The following OSBPL1A variants were observed in gnomAD, a reference collection of about 807,000 sequenced individuals.
OSBPL1A encodes the protein oxysterol binding protein like 1A.
In OSBPL1A, 80 loss-of-function variants were observed where a neutral mutation model predicts 137.1. The ratio of observed to expected loss-of-function variants is 0.58; its 90% CI spans 0.49 to 0.70. OSBPL1A has a LOEUF of 0.70. OSBPL1A is among the 30% of genes least tolerant of loss of function. The pLI is 0.00. For missense variants in OSBPL1A, 970 were observed against 1,129.4 expected (o/e 0.86, Z 2.02); for synonymous variants, 365 against 389.7 (o/e 0.94, Z 0.75).
intron 6 of OSBPL1A, 109 bp from the exon 7 acceptor site, chr18:24,333,195 G>T: frequency 8.2e-7 from 1 of 1,225,610 alleles, no homozygotes; most frequent in Non-Finnish European, 1.1e-6. Flanking sequence ...CAAGCTCCTT[G>T]GCATCCAGGC....
In OSBPL1A at chr18:24,162,320, T is replaced by C. The variant is rs1357656399; in HGVS notation, c.*859A>G. 6.6e-6 allele frequency: 1 copy of C among 152,212 alleles called. No homozygotes were observed. The highest frequency in any genetic ancestry group is 2.4e-5 in the African/African-American group (1 of 41,438). 9.4% of individuals were successfully genotyped at this position (152,212 alleles called of 1,614,324 possible). A position where few individuals can be genotyped will look rare whatever the true frequency, so the allele number is the denominator to read the frequency against. ...TTGAAATGCACAAGGCCTCCTTTTA[T>C]ATAGTTTGATACTTACATGAGTGCA... On this transcript the variant is annotated 3_prime_UTR_variant, in exon 28 of 28. Coordinates refer to ENST00000319481, the MANE Select transcript of OSBPL1A (RefSeq NM_080597.4).
intron 14 of OSBPL1A, among the ~76,000 whole-genome samples, chr18:24,294,206 T>C (rs1021534124): frequency 6.6e-6 from 1 of 150,448 alleles, no homozygotes; most frequent in Non-Finnish European, 1.5e-5. Flanking sequence ...GTACACTACA[T>C]CCAATATGTG....
chr18:24,265,005 C>T (rs538688190), intron 15 of OSBPL1A, among the ~76,000 whole-genome samples: 20 of 152,278 alleles, frequency 1.3e-4, no homozygotes, highest in African/African-American at 4.3e-4. Flanking sequence ...TTACTTTCAT[C>T]GGTCTTATAT....
At chr18:24,175,189 G>T (rs536596110) in intron 21 of OSBPL1A, among the ~76,000 whole-genome samples, 18 of 127,100 alleles carry the variant, frequency 1.4e-4, no homozygotes, top group East Asian at 4.5e-4. Context: ...GTTCTTTTTT[G>T]TTGTTGTTGT....
rs916672263 is a variant in OSBPL1A, at chr18:24,165,104, C to G, written c.2711G>C (p.Arg904Pro). 1 of 1,614,080 alleles carries G rather than the reference C, an allele frequency of 6.2e-7. No individual in the cohort carries two copies. The highest frequency in any genetic ancestry group is 1.7e-5 in the Admixed American group (1 of 60,018). Residue 904 changes from arginine to proline, a missense_variant, in exon 27 of 28, where the codon CGC becomes CCC. By Grantham distance (103) the Arg-to-Pro change is moderately radical. Transcript: ENST00000319481. Reference protein sequence around the residue: ...KRLEEKQRAARKNRSKSEEDW... With the variant: ...KRLEEKQRAAPKNRSKSEEDW... The stretch of plus-strand genomic sequence containing the variant: ...CTCTTCTGACTTGGACCTGTTTTTG[C>G]GGGCTGCTCTTTGTTTTTCCTCAAG...
At chr18:24,332,843 T>C (rs746301153) in intron 7 of OSBPL1A, 99 bp downstream of exon 7, 30 of 1,409,608 alleles carry the variant, frequency 2.1e-5, no homozygotes, top group Non-Finnish European at 2.8e-5. Flanking sequence ...CCATACAGTT[T>C]AACAAAGGCT....
At chr18:24,392,480 G>A (rs371292927) in intron 1 of OSBPL1A, among the ~76,000 whole-genome samples, 1 of 152,074 alleles carries the variant, frequency 6.6e-6, no homozygotes, top group Non-Finnish European at 1.5e-5. Flanking sequence ...TAAAGACAAA[G>A]GGAGACTATT....
intron 18 of OSBPL1A, among the ~76,000 whole-genome samples, chr18:24,195,529 G>A (rs900069345): frequency 1.3e-5 from 2 of 152,020 alleles, no homozygotes; most frequent in Admixed American, 6.6e-5. Context: ...TTACATGTTC[G>A]GTGGTCCAAG....
Position 24,322,076 on chromosome 18 carries a change from A to G in OSBPL1A, c.626-3267T>C, listed in dbSNP as rs148808346. Among the ~76,000 whole-genome samples, 64 of 149,354 alleles carry G rather than the reference A, an allele frequency of 4.3e-4. No individual in the cohort carries two copies. The East Asian group carries it at 0.012, about 28-fold the overall frequency. On this transcript the variant is annotated intron_variant, in intron 7 of 27. Coordinates refer to ENST00000319481, the MANE Select transcript of OSBPL1A (RefSeq NM_080597.4). ...CTAGAAAGTCAGTAGTAAAATGGAG[A>G]TCATTTTTAACATAGAGAGAAATAT...
At chr18:24,355,696 T>G (rs1448535825) in intron 4 of OSBPL1A, among the ~76,000 whole-genome samples, 1 of 151,884 alleles carries the variant, frequency 6.6e-6, no homozygotes, top group Non-Finnish European at 1.5e-5. Context: ...TTAAAAGTCA[T>G]GATACCGGCT....
chr18:24,219,821 C>T (rs2087828122), intron 17 of OSBPL1A, among the ~76,000 whole-genome samples: 1 of 152,196 alleles, frequency 6.6e-6, no homozygotes, highest in African/African-American at 2.4e-5. Flanking sequence ...AGCTGGGCAA[C>T]TCAACTTGGG....
At chr18:24,340,980 TA>T (rs1203628218) in intron 5 of OSBPL1A, among the ~76,000 whole-genome samples, 43 of 152,274 alleles carry the variant, frequency 2.8e-4, no homozygotes, top group African/African-American at 9.4e-4. Context: ...GAAAAACAGA[TA>T]TTTTTTCTGA....
At chr18:24,348,794 G>A (rs2091389547) in intron 4 of OSBPL1A, among the ~76,000 whole-genome samples, 2 of 151,890 alleles carry the variant, frequency 1.3e-5, no homozygotes, top group Admixed American at 1.3e-4. Flanking sequence ...AAAGAAAAAA[G>A]CCTTCAAAAA....
chr18:24,354,744 A>G, intron 4 of OSBPL1A, among the ~76,000 whole-genome samples: 1 of 121,706 alleles, frequency 8.2e-6, no homozygotes, highest in Non-Finnish European at 1.7e-5. Flanking sequence ...GTTTCTCAAT[A>G]TAGCAAAAAA....
chr18:24,263,357 G>T (rs1323889686), intron 15 of OSBPL1A, among the ~76,000 whole-genome samples: 1 of 152,172 alleles, frequency 6.6e-6, no homozygotes, highest in Non-Finnish European at 1.5e-5. Context: ...ATCTTGTGAG[G>T]TTTGCCACTG....
intron 17 of OSBPL1A, among the ~76,000 whole-genome samples, chr18:24,224,358 C>A (rs1048576528): frequency 2.6e-5 from 4 of 152,088 alleles, no homozygotes; most frequent in Non-Finnish European, 5.9e-5. Context: ...TTTATAATGA[C>A]AACAGAATAC....
At chr18:24,316,481 T>C (rs1194337273) in intron 11 of OSBPL1A, among the ~76,000 whole-genome samples, 4 of 151,916 alleles carry the variant, frequency 2.6e-5, no homozygotes, top group Non-Finnish European at 5.9e-5. Context: ...AAAGACACCA[T>C]GCGAACAGTA....
At position 24,188,447 on chromosome 18, in the gene OSBPL1A, A is replaced by G. The variant is rs190144367; in HGVS notation, c.1678-7168T>C. 7.8e-4 allele frequency among the ~76,000 whole-genome samples: 119 copies of G among 152,388 alleles called. 2 individuals are homozygous for G. Among genetic ancestry groups the G allele is most frequent in the Non-Finnish European group, 1.9e-4 (13 of 68,044 alleles). The stretch of plus-strand genomic sequence containing the variant: ...AGGATGTGGGTTTATCATCAATTCA[A>G]TAAGTAGATTTATTTTTTAATCATT... On this transcript the variant is annotated intron_variant, in intron 18 of 27. Transcript: ENST00000319481.
chr18:24,274,383 T>C (rs572225459), intron 15 of OSBPL1A, among the ~76,000 whole-genome samples: 1 of 152,092 alleles, frequency 6.6e-6, no homozygotes, highest in Non-Finnish European at 1.5e-5. Flanking sequence ...TTGAGACACG[T>C]TGGTTTTGAA....
Sources: gnomAD v4.1 joint callset for allele counts (sites outside exome capture counted in the v4.1 genomes callset) on GRCh38, gnomAD v4.1.1 for gene constraint, MANE v1.5 for transcripts, NCBI Gene and HGNC (gene_info 2026-07-23, HGNC 2026-07-21) for gene names.